The following GLIS2 variants were observed in gnomAD, a reference collection of about 807,000 sequenced individuals.
GLIS2 encodes GLIS family zinc finger 2, also known as zinc finger protein GLIS2.
In GLIS2, 14 loss-of-function variants were observed where a neutral mutation model predicts 35.6. The ratio of observed to expected loss-of-function variants is 0.39; its 90% CI spans 0.26 to 0.61. The LOEUF (loss-of-function observed/expected upper bound fraction) is 0.61, where lower values mean the gene tolerates loss of function less well. Among genes scored for constraint, GLIS2 ranks in the 20% least tolerant of loss-of-function variants. GLIS2 has a pLI of 0.48. For missense variants in GLIS2, 675 were observed against 713.4 expected, an observed-to-expected ratio of 0.95 and a Z score of 0.61; for synonymous variants, 368 against 325.1, an observed-to-expected ratio of 1.13 and a Z score of -1.42.
intron 1 of GLIS2, among the ~76,000 whole-genome samples, chr16:4,325,084 G>A (rs1172066009): frequency 6.6e-6 from 1 of 152,208 alleles, no homozygotes; most frequent in Non-Finnish European, 1.5e-5. Context: ...TGCTTTGGCA[G>A]CAGATCTGCC....
chr16:4,319,030 C>T (rs904455263), intron 1 of GLIS2, among the ~76,000 whole-genome samples: 13 of 152,240 alleles, frequency 8.5e-5, no homozygotes, highest in African/African-American at 3.1e-4. Context: ...CCTGGCCTGA[C>T]CCCCAGCCCC....
At chr16:4,316,310 G>T (rs1394110577) in intron 1 of GLIS2, among the ~76,000 whole-genome samples, 56 bp downstream of exon 1, 10 of 144,136 alleles carry the variant, frequency 6.9e-5, no homozygotes, top group Admixed American at 4.7e-4. Flanking sequence ...GGGGGGGGGG[G>T]GGCCCGCCTG....
intron 1 of GLIS2, among the ~76,000 whole-genome samples, chr16:4,331,033 G>A (rs1021716623): frequency 1.3e-4 from 20 of 152,212 alleles, no homozygotes; most frequent in African/African-American, 4.6e-4. Flanking sequence ...CTGGAGTGCA[G>A]TGGTGCGATC....
At chr16:4,317,713 C>G (rs1473513656) in intron 1 of GLIS2, among the ~76,000 whole-genome samples, 1 of 152,100 alleles carries the variant, frequency 6.6e-6, no homozygotes. Flanking sequence ...TTGCCAAGCT[C>G]CAGCCTGGCC....
chr16:4,333,570 T>A (rs751563757), intron 3 of GLIS2, 51 bp downstream of exon 3: 2 of 1,557,976 alleles, frequency 1.3e-6, no homozygotes, highest in Non-Finnish European at 1.7e-6. Flanking sequence ...TTTCCTGGGG[T>A]TGCCATGACA....
rs1384757250 is a variant in GLIS2, at chr16:4,318,912, G to A, written c.-67+2658G>A. 2.6e-5 allele frequency among the ~76,000 whole-genome samples: 4 copies of A among 152,370 alleles called. No individual in the cohort carries two copies. In the South Asian group the frequency reaches 6.2e-4, roughly 24 times the overall value. ...GGGCCAGTGCCGGCCAGGGTTTGGGGCAATCTCTGGATGAGGGAGGGTGGC... is the reference window on the plus strand; with the variant it reads ...GGGCCAGTGCCGGCCAGGGTTTGGGACAATCTCTGGATGAGGGAGGGTGGC... On this transcript the variant is annotated intron_variant, in intron 1 of 6. Transcript: ENST00000433375.
chr16:4,332,528 C>T lies in GLIS2; in HGVS notation c.172+76C>T. 6.6e-7 allele frequency: 1 copy of T among 1,526,222 alleles called. No individual in the cohort carries two copies. Among genetic ancestry groups the T allele is most frequent in the South Asian group, 1.2e-5 (1 of 86,904 alleles). 94.5% of individuals were successfully genotyped at this position (1,526,222 alleles called of 1,614,324 possible). A position where few individuals can be genotyped will look rare whatever the true frequency, so the allele number is the denominator to read the frequency against. ...GACAGGGAGAATGGCCAAGTGTGTC[C>T]ACCAGCATGTAGCTGCAGCCCCTCT... is the stretch of plus-strand genomic sequence containing the variant. On this transcript the variant is annotated intron_variant, in intron 2 of 6. Coordinates refer to ENST00000433375, the MANE Select transcript of GLIS2 (RefSeq NM_032575.3). This position sits in a 1 kb window ranked among gnomAD's most constrained non-coding sequence, Gnocchi z 5.4.
Position 4,337,197 on chromosome 16 carries a change from G to A in GLIS2, c.1248G>A (p.Leu416=). 9 of 1,546,322 alleles carry A rather than the reference G, an allele frequency of 5.8e-6. No homozygotes were observed. Among genetic ancestry groups the A allele is most frequent in the East Asian group, 2.4e-5 (1 of 40,942 alleles). The change falls in exon 7 of 7, where the codon CTG becomes CTA. Residue 416 remains leucine, a synonymous_variant. Transcript: ENST00000433375. The part of the protein sequence containing the change: ...VLPLNLAKNP[L]LPSPFGAGGL... The stretch of plus-strand genomic sequence containing the variant: ...CTCTCAATCTGGCCAAGAACCCGCT[G>A]CTGCCCTCGCCCTTTGGGGCTGGCG...
chr16:4,325,953 AAAAG>A (rs1487546243), intron 1 of GLIS2, among the ~76,000 whole-genome samples: 4 of 148,366 alleles, frequency 2.7e-5, no homozygotes, highest in African/African-American at 7.5e-5. Flanking sequence ...AAAAAAAAAA[AAAAG>A]GCCAGACTTG....
Position 4,335,062 on chromosome 16 carries a change from T to G in GLIS2, c.525T>G (p.Cys175Trp). 1 of 1,613,438 alleles carries G rather than the reference T, an allele frequency of 6.2e-7. No homozygotes were observed. Among genetic ancestry groups the G allele is most frequent in the Non-Finnish European group, 8.5e-7 (1 of 1,180,024 alleles). The change falls in exon 5 of 7, where the codon TGT becomes TGG. Residue 175 changes from cysteine (C) to tryptophan (W), a missense_variant and splice_region_variant. Around this residue, in one of 3 missense-constraint regions of GLIS2, gnomAD observed 225 missense variants for 238.7 expected, o/e 0.94. Coordinates refer to ENST00000433375, the MANE Select transcript of GLIS2 (RefSeq NM_032575.3). This position sits in a 1 kb window ranked among gnomAD's most constrained non-coding sequence, Gnocchi z 4.6. ...PKQLVCRWAK[C>W]NQLFELLQDL... Reference sequence around the variant, plus strand: ...AGAACACTTCCCATCCTCCGCAGTGTAACCAGCTCTTTGAGCTCCTGCAAG... The same window carrying G: ...AGAACACTTCCCATCCTCCGCAGTGGAACCAGCTCTTTGAGCTCCTGCAAG...
rs1463096620 is a variant in GLIS2 at position 4,320,799 on chromosome 16, A to G, written c.-67+4545A>G. Among the ~76,000 whole-genome samples, 1 of 151,764 alleles carries G rather than the reference A, an allele frequency of 6.6e-6. No homozygotes were observed. The highest frequency in any genetic ancestry group is 1.5e-5 in the Non-Finnish European group (1 of 67,918). ...TCCCCGCAAGGCTGTAGGGGCCTCC[A>G]TTGTCCTCCCTATTCTGAAGTCCCC... is the stretch of plus-strand genomic sequence containing the variant. On this transcript the variant is annotated intron_variant, in intron 1 of 6. Coordinates refer to ENST00000433375, the MANE Select transcript of GLIS2 (RefSeq NM_032575.3). The surrounding 1 kb of genome is among the most constrained non-coding windows in gnomAD (Gnocchi z 5.6).
chr16:4,322,092 G>C (rs1310827310), intron 1 of GLIS2, among the ~76,000 whole-genome samples: 2 of 151,862 alleles, frequency 1.3e-5, no homozygotes, highest in Non-Finnish European at 2.9e-5. Context: ...GAACAGGGGG[G>C]CATGGATGGT....
chr16:4,337,358 G>A lies in GLIS2; in HGVS notation c.1409G>A (p.Ser470Asn). ...GHKTPLERTE[S>N]SCSRPSPDGL... ...AAGACGCCCCTTGAAAGGACGGAGA[G>A]CAGCTGCTCCCGGCCAAGCCCCGAT... is the stretch of plus-strand genomic sequence containing the variant. Residue 470 changes from serine to asparagine, a missense_variant, in exon 7 of 7, where the codon AGC (serine) becomes AAC (asparagine). Physicochemically the swap from Ser to Asn is conservative, Grantham distance 46. Coordinates refer to ENST00000433375, the MANE Select transcript of GLIS2 (RefSeq NM_032575.3). 2 of 1,593,096 alleles carry A rather than the reference G, an allele frequency of 1.3e-6. No homozygotes were observed. The highest frequency in any genetic ancestry group is 1.7e-6 in the Non-Finnish European group (2 of 1,171,592).
chr16:4,332,428 G>A lies in GLIS2; in HGVS notation c.148G>A (p.Gly50Ser). Residue 50 changes from glycine (G) to serine (S), a missense_variant, in exon 2 of 7, where the codon GGC (glycine) becomes AGC (serine). Coordinates refer to ENST00000433375, the MANE Select transcript of GLIS2 (RefSeq NM_032575.3). The surrounding 1 kb of genome is among the most constrained non-coding windows in gnomAD (Gnocchi z 5.4). ...CCTGGTGGATGACAGCCCCACACCT[G>A]GCTCTCCAGGCTCCCCGCCCTCAGG... The part of the protein sequence containing the change: ...LGLVDDSPTP[G>S]SPGSPPSGFL... 2 of 1,612,200 alleles carry A rather than the reference G, an allele frequency of 1.2e-6. No homozygotes were observed. Among genetic ancestry groups the A allele is most frequent in the Non-Finnish European group, 1.7e-6 (2 of 1,179,960 alleles).
At chr16:4,318,882 G>C (rs2053344690) in intron 1 of GLIS2, among the ~76,000 whole-genome samples, 1 of 152,362 alleles carries the variant, frequency 6.6e-6, no homozygotes, top group East Asian at 1.9e-4. Context: ...TGGACCAGGG[G>C]GTGAGGGCCA....
intron 6 of GLIS2, chr16:4,336,152 T>C (rs1008276622): frequency 6.6e-5 from 13 of 196,844 alleles, no homozygotes; most frequent in Admixed American, 3.7e-4. Context: ...AAGGCCATGG[T>C]GTCTTTTTTT....
At position 4,318,561 on chromosome 16, in the gene GLIS2, TGAACTC is replaced by T. The variant is rs541431603; in HGVS notation, c.-67+2308_-67+2313del. ...AGCCACAGCGATTTCTTCCCCCGCC[TGAACTC>T]CCCTTGCAGGGAGGACAAGTAGAGG... On this transcript the variant is annotated intron_variant, in intron 1 of 6. Coordinates refer to ENST00000433375, the MANE Select transcript of GLIS2 (RefSeq NM_032575.3). Among the ~76,000 whole-genome samples, 889 of 152,320 alleles carry T rather than the reference TGAACTC, an allele frequency of 5.8e-3. 7 individuals carry two copies. The highest frequency in any genetic ancestry group is 6.9e-3 in the Non-Finnish European group (471 of 68,024).
rs202057297 is a variant in GLIS2, at chr16:4,331,335, G to A, written c.-66-880G>A. Among the ~76,000 whole-genome samples, 107 of 152,198 alleles carry A rather than the reference G, an allele frequency of 7.0e-4. 1 individual carries two copies. The highest frequency in any genetic ancestry group is 6.0e-3 in the East Asian group (31 of 5,186). On this transcript the variant is annotated intron_variant, in intron 1 of 6. Coordinates refer to ENST00000433375, the MANE Select transcript of GLIS2 (RefSeq NM_032575.3). ...TGAGTGATCTGTGCCTTAAGGACACGCTCCTGCTGCAGATAACTAGCCAGA... is the reference window on the plus strand; with the variant it reads ...TGAGTGATCTGTGCCTTAAGGACACACTCCTGCTGCAGATAACTAGCCAGA...
chr16:4,326,202 G>A (rs2053428694), intron 1 of GLIS2, among the ~76,000 whole-genome samples: 1 of 152,106 alleles, frequency 6.6e-6, no homozygotes, highest in Admixed American at 6.6e-5. Context: ...CTGAGATCGT[G>A]CCACTGCACT....
Sources: allele counts gnomAD v4.1 joint callset (sites outside exome capture counted in the v4.1 genomes callset), GRCh38; gene constraint gnomAD v4.1.1; regional missense constraint gnomAD v4.1.1; non-coding constraint Gnocchi (gnomAD v3.1); transcripts MANE v1.5; gene names NCBI Gene and HGNC (gene_info 2026-07-23, HGNC 2026-07-21).